Variants in NALF1 observed in about 807,000 individuals in gnomAD.
NALF1 encodes the protein NALCN channel auxiliary factor 1.
A neutral mutation model predicts 48.4 loss-of-function variants in NALF1; 3 were observed. That is an observed-to-expected ratio of 0.06 (90% CI 0.03 to 0.16). The LOEUF (loss-of-function observed/expected upper bound fraction) is 0.16, where lower values mean the gene tolerates loss of function less well. Ranked by LOEUF, NALF1 falls within the 10% of genes least tolerant of loss-of-function variation. The probability of loss-of-function intolerance (pLI) is 1.00; values close to 1 mark genes in which losing one functional copy is unlikely to be tolerated. For missense variants in NALF1, 526 were observed against 571.5 expected (o/e 0.92, Z 0.81); for synonymous variants, 262 against 245.7 (o/e 1.07, Z -0.62).
At chr13:107,216,719 C>T (rs906297000) in intron 1 of NALF1, among the ~76,000 whole-genome samples, 4 of 152,164 alleles carry the variant, frequency 2.6e-5, no homozygotes, top group African/African-American at 7.2e-5. Flanking sequence ...CCAAACCATT[C>T]TCAACACCAA....
At chr13:107,546,268 A>G (rs1877134361) in intron 1 of NALF1, among the ~76,000 whole-genome samples, 2 of 152,156 alleles carry the variant, frequency 1.3e-5, no homozygotes, top group African/African-American at 4.8e-5. Context: ...TAGTGCTCTT[A>G]TAATAACACA....
chr13:107,293,294 T>C (rs963909727), intron 1 of NALF1, among the ~76,000 whole-genome samples: 2 of 152,150 alleles, frequency 1.3e-5, no homozygotes, highest in African/African-American at 4.8e-5. Context: ...CTGTTATAGT[T>C]TTATGGAGCC....
chr13:107,388,846 A>C (rs1001680762), intron 1 of NALF1, among the ~76,000 whole-genome samples: 1 of 152,344 alleles, frequency 6.6e-6, no homozygotes, highest in South Asian at 2.1e-4. Flanking sequence ...CAATTAAAAA[A>C]AAAAAATCTC....
rs543513632 is a variant in NALF1, at chr13:107,594,470, C to T, written c.915+271212G>A. On this transcript the variant is annotated intron_variant, in intron 1 of 2. Coordinates refer to ENST00000375915, the MANE Select transcript of NALF1 (RefSeq NM_001080396.3). ...CTCTTTTGTCTCTTTCCCCCAATCC[C>T]CTGTGTCCCTGTGTGCAGGTTCGCA... 3.9e-5 allele frequency among the ~76,000 whole-genome samples: 6 copies of T among 152,102 alleles called. No homozygotes were observed. The East Asian group carries it at 1.2e-3, about 29-fold the overall frequency.
At chr13:107,579,253 A>G (rs1173962700) in intron 1 of NALF1, among the ~76,000 whole-genome samples, 1 of 152,094 alleles carries the variant, frequency 6.6e-6, no homozygotes, top group African/African-American at 2.4e-5. Flanking sequence ...CACCACGCCC[A>G]GCTCATTTTG....
chr13:107,236,729 CT>C (rs1566460180), intron 1 of NALF1, among the ~76,000 whole-genome samples: 9 of 137,194 alleles, frequency 6.6e-5, no homozygotes, highest in African/African-American at 2.5e-4. Context: ...ATCTATCTAT[CT>C]ATCTATCATC....
chr13:107,255,919 T>C (rs12429951), intron 1 of NALF1, among the ~76,000 whole-genome samples: 17,204 of 152,116 alleles, frequency 0.11, 1,145 homozygotes, highest in African/African-American at 0.17. Context: ...TTATCTAACA[T>C]AGGAAGGTAT....
chr13:107,620,202 T>G (rs192849357), intron 1 of NALF1, among the ~76,000 whole-genome samples: 1 of 152,224 alleles, frequency 6.6e-6, no homozygotes, highest in African/African-American at 2.4e-5. Context: ...AATGTCCACA[T>G]CAGAACCACA....
intron 1 of NALF1, among the ~76,000 whole-genome samples, chr13:107,711,812 G>GTCTAA (rs1446835817): frequency 1.3e-5 from 2 of 152,208 alleles, no homozygotes; most frequent in African/African-American, 4.8e-5. Context: ...AACGGAGATA[G>GTCTAA]TCTAAGAATG....
intron 1 of NALF1, among the ~76,000 whole-genome samples, chr13:107,771,981 C>T (rs758579060): frequency 3.9e-5 from 6 of 152,030 alleles, no homozygotes; most frequent in Admixed American, 2.0e-4. Context: ...GTGATCTGCC[C>T]GCCTCGGCCT....
Position 107,630,334 on chromosome 13 carries a change from TG to T in NALF1, c.915+235347del, listed in dbSNP as rs548217077. ...CACTCATTATTCTCTCAAAACACCATGGGGTCTGTGACTTTAGGGCCCTTTC... is the reference window on the plus strand; with the variant it reads ...CACTCATTATTCTCTCAAAACACCATGGGTCTGTGACTTTAGGGCCCTTTC... On this transcript the variant is annotated intron_variant, in intron 1 of 2. Coordinates refer to ENST00000375915, the MANE Select transcript of NALF1 (RefSeq NM_001080396.3). Among the ~76,000 whole-genome samples the T allele has an allele frequency of 2.4e-3, 369 of 152,200 alleles. 3 individuals carry two copies. The highest frequency in any genetic ancestry group is 0.014 in the Middle Eastern group (4 of 294).
At chr13:107,776,680 T>C (rs1160041524) in intron 1 of NALF1, among the ~76,000 whole-genome samples, 2 of 152,222 alleles carry the variant, frequency 1.3e-5, no homozygotes, top group African/African-American at 2.4e-5. Flanking sequence ...CTTAAGAACA[T>C]GACAGATTTT....
At position 107,439,044 on chromosome 13, in the gene NALF1, C is replaced by T. The variant is rs147167161; in HGVS notation, c.916-228289G>A. Among the ~76,000 whole-genome samples, 1,140 of 151,860 alleles carry T rather than the reference C, an allele frequency of 7.5e-3. 17 individuals carry two copies. Among genetic ancestry groups the T allele is most frequent in the African/African-American group, 0.026 (1,060 of 41,448 alleles). On this transcript the variant is annotated intron_variant, in intron 1 of 2. Transcript: ENST00000375915. ...TGAGAGAAAGAAACTTCACACAACG[C>T]ATTAGCTAAAACACACGCATATTTT...
At chr13:107,609,859 C>T (rs1291567570) in intron 1 of NALF1, among the ~76,000 whole-genome samples, 1 of 152,042 alleles carries the variant, frequency 6.6e-6, no homozygotes, top group Non-Finnish European at 1.5e-5. Context: ...TCTATATTTA[C>T]ATGAATTAAC....
intron 1 of NALF1, among the ~76,000 whole-genome samples, chr13:107,574,350 C>A (rs1878076751): frequency 6.6e-6 from 1 of 152,070 alleles, no homozygotes. Context: ...GACAATGATG[C>A]CTTTATGATT....
At chr13:107,307,253 T>A (rs1481819034) in intron 1 of NALF1, among the ~76,000 whole-genome samples, 1 of 152,096 alleles carries the variant, frequency 6.6e-6, no homozygotes, top group Admixed American at 6.5e-5. Flanking sequence ...AGGTTGGAAA[T>A]CCCAGTGTCC....
chr13:107,468,752 A>G (rs1255482379), intron 1 of NALF1, among the ~76,000 whole-genome samples: 1 of 152,176 alleles, frequency 6.6e-6, no homozygotes, highest in African/African-American at 2.4e-5. Flanking sequence ...AGTTATAATA[A>G]TGGGTGATTT....
intron 1 of NALF1, among the ~76,000 whole-genome samples, chr13:107,634,206 G>A (rs1226829298): frequency 6.6e-6 from 1 of 152,046 alleles, no homozygotes. Context: ...GGGAGGCAAA[G>A]ATGGTGGGGA....
chr13:107,744,197 G>T (rs1360164536), intron 1 of NALF1, among the ~76,000 whole-genome samples: 3 of 152,176 alleles, frequency 2.0e-5, no homozygotes, highest in Non-Finnish European at 4.4e-5. Flanking sequence ...TCCAGTGTGA[G>T]ATCTTGCAAG....
Sources: allele counts gnomAD v4.1 joint callset (sites outside exome capture counted in the v4.1 genomes callset), GRCh38; gene constraint gnomAD v4.1.1; transcripts MANE v1.5; gene names NCBI Gene and HGNC (gene_info 2026-07-23, HGNC 2026-07-21).